Variants in GRIK1 observed in about 807,000 individuals in gnomAD.
GRIK1 encodes glutamate ionotropic receptor kainate type subunit 1.
Under a neutral mutation model 105.7 loss-of-function variants are expected in GRIK1, and 69 were observed. The observed-to-expected ratio is 0.65, with a 90% CI of 0.54 to 0.80. The LOEUF (loss-of-function observed/expected upper bound fraction) is 0.80, where lower values mean the gene tolerates loss of function less well. Among genes scored for constraint, GRIK1 ranks in the 30% least tolerant of loss-of-function variants. The pLI is 0.00. For synonymous variants in GRIK1, 438 were observed against 431.3 expected, an observed-to-expected ratio of 1.02 and a Z score of -0.19; for missense variants, 1,109 against 1,167.3, an observed-to-expected ratio of 0.95 and a Z score of 0.73.
intron 1 of GRIK1, among the ~76,000 whole-genome samples, chr21:29,700,564 GA>G (rs375619674): frequency 4.0e-4 from 61 of 151,916 alleles, no homozygotes; most frequent in Admixed American, 1.0e-3. Flanking sequence ...ATCTTAATAT[GA>G]AAAAAACCAT....
At chr21:29,656,577 G>T (rs568867454) in intron 4 of GRIK1, among the ~76,000 whole-genome samples, 1 of 152,118 alleles carries the variant, frequency 6.6e-6, no homozygotes, top group African/African-American at 2.4e-5. Context: ...TTTCACAGCT[G>T]TGTCTGAAAA....
intron 16 of GRIK1, among the ~76,000 whole-genome samples, chr21:29,538,307 G>A (rs117123217): frequency 0.03 from 4,637 of 152,168 alleles, 81 homozygotes; most frequent in Non-Finnish European, 0.039. Context: ...CTAGTGATAT[G>A]AGCCAGCACA....
intron 1 of GRIK1, among the ~76,000 whole-genome samples, chr21:29,707,023 C>T (rs2063924157): frequency 6.6e-6 from 1 of 152,156 alleles, no homozygotes; most frequent in Non-Finnish European, 1.5e-5. Context: ...CGCCACCGCG[C>T]CCTGCTAATG....
chr21:29,763,134 T>A lies in GRIK1; in HGVS notation c.119-69071A>T, dbSNP rs748649145. Among the ~76,000 whole-genome samples the A allele has an allele frequency of 2.6e-5, 4 of 152,274 alleles. 1 individual carries two copies. In the South Asian group the frequency reaches 6.2e-4, roughly 24 times the overall value. On this transcript the variant is annotated intron_variant, in intron 1 of 17. Transcript: ENST00000327783. ...TCCATGTGTTGAGGGAGGGATCTGG[T>A]GGGAAGTGACTGGATCATGGGGGTG... is the stretch of plus-strand genomic sequence containing the variant.
intron 14 of GRIK1, among the ~76,000 whole-genome samples, chr21:29,573,167 T>C (rs1290826722): frequency 6.6e-6 from 1 of 152,212 alleles, no homozygotes; most frequent in African/African-American, 2.4e-5. Context: ...GTTTGTACTA[T>C]CATCACATTC....
At chr21:29,630,861 G>A (rs113490340) in intron 7 of GRIK1, 6,492 of 329,288 alleles carry the variant, frequency 0.02, 111 homozygotes, top group South Asian at 0.041. Context: ...GTGCAGTGGC[G>A]AGATCATGGC....
intron 1 of GRIK1, among the ~76,000 whole-genome samples, chr21:29,815,494 G>A (rs389043): frequency 0.15 from 22,858 of 152,118 alleles, 1,756 homozygotes; most frequent in Non-Finnish European, 0.17. Context: ...GATACTGGGA[G>A]TGGGGTGAAT....
intron 14 of GRIK1, 60 bp from the exon 15 acceptor site, chr21:29,561,909 G>A (rs927540387): frequency 8.8e-6 from 8 of 909,684 alleles, no homozygotes; most frequent in African/African-American, 8.2e-5. Flanking sequence ...CGACCTAAAG[G>A]TATTCAAAGT....
At chr21:29,842,142 A>G (rs2068000491) in intron 1 of GRIK1, among the ~76,000 whole-genome samples, 1 of 152,166 alleles carries the variant, frequency 6.6e-6, no homozygotes, top group Admixed American at 6.5e-5. Flanking sequence ...TAATCTTGAT[A>G]AATACGCCGT....
chr21:29,796,844 G>A (rs2066572013), intron 1 of GRIK1, among the ~76,000 whole-genome samples: 1 of 152,106 alleles, frequency 6.6e-6, no homozygotes, highest in Non-Finnish European at 1.5e-5. Context: ...AGCTACTCGA[G>A]AAGCTGAAGT....
chr21:29,584,316 TTG>T (rs1158963249), intron 12 of GRIK1, among the ~76,000 whole-genome samples: 7 of 152,172 alleles, frequency 4.6e-5, no homozygotes, highest in Non-Finnish European at 4.4e-5. Context: ...AGATTTTTTT[TTG>T]CCAAATGCCA....
intron 1 of GRIK1, among the ~76,000 whole-genome samples, chr21:29,915,205 A>G (rs972713032): frequency 6.6e-6 from 1 of 150,998 alleles, no homozygotes; most frequent in Non-Finnish European, 1.5e-5. Context: ...CACACACACA[A>G]ACACACACCT....
intron 1 of GRIK1, among the ~76,000 whole-genome samples, chr21:29,787,501 T>C (rs1243371561): frequency 6.6e-6 from 1 of 152,258 alleles, no homozygotes; most frequent in Non-Finnish European, 1.5e-5. Flanking sequence ...GTAACTTTTC[T>C]CTTGGCAAGT....
chr21:29,692,493 C>A (rs1479419895), intron 2 of GRIK1, among the ~76,000 whole-genome samples: 1 of 152,172 alleles, frequency 6.6e-6, no homozygotes, highest in Non-Finnish European at 1.5e-5. Flanking sequence ...CATATGATAT[C>A]TCAAAGTCTA....
At position 29,823,932 on chromosome 21, in the gene GRIK1, A is replaced by G. The variant is rs1483113102; in HGVS notation, c.118+115451T>C. On this transcript the variant is annotated intron_variant, in intron 1 of 17. Coordinates refer to ENST00000327783, the MANE Select transcript of GRIK1 (RefSeq NM_001330994.2). ...GGAATAAAGTAGTATTTTTAGTTTA[A>G]TGGGAATACCATGGAGGGTCATAAG... 4.6e-5 allele frequency among the ~76,000 whole-genome samples: 7 copies of G among 151,956 alleles called. No homozygotes were observed. In the East Asian group the frequency reaches 1.4e-3, roughly 29 times the overall value.
At chr21:29,790,342 T>G (rs1367084395) in intron 1 of GRIK1, among the ~76,000 whole-genome samples, 1 of 152,022 alleles carries the variant, frequency 6.6e-6, no homozygotes, top group African/African-American at 2.4e-5. Flanking sequence ...CCACCTCGCC[T>G]GGCCAAGTCC....
chr21:29,875,566 C>T (rs541461941), intron 1 of GRIK1, among the ~76,000 whole-genome samples: 1 of 152,248 alleles, frequency 6.6e-6, no homozygotes, highest in Middle Eastern at 3.4e-3. Context: ...GAGGGAAGCA[C>T]CTGGAAACAA....
At chr21:29,899,679 A>T (rs1011995472) in intron 1 of GRIK1, among the ~76,000 whole-genome samples, 7 of 152,090 alleles carry the variant, frequency 4.6e-5, no homozygotes, top group African/African-American at 1.4e-4. Context: ...GATTATAGAG[A>T]TGTCATTTTC....
chr21:29,643,505 A>G (rs1351417623), intron 6 of GRIK1, among the ~76,000 whole-genome samples: 2 of 152,192 alleles, frequency 1.3e-5, no homozygotes, highest in Admixed American at 6.5e-5. Flanking sequence ...ATGGAATGAA[A>G]CTCAACGGCA....
Sources: allele counts gnomAD v4.1 joint callset (sites outside exome capture counted in the v4.1 genomes callset), GRCh38; gene constraint gnomAD v4.1.1; transcripts MANE v1.5; gene names NCBI Gene and HGNC (gene_info 2026-07-23, HGNC 2026-07-21).